Variants in NRXN3 observed in about 807,000 individuals in gnomAD.
NRXN3 encodes neurexin III.
Under a neutral mutation model 137.6 loss-of-function variants are expected in NRXN3, and 32 were observed. The observed-to-expected ratio is 0.23, with a 90% CI of 0.18 to 0.31. The LOEUF is 0.31. Ranked by LOEUF, NRXN3 falls within the 10% of genes least tolerant of loss-of-function variation. NRXN3 has a pLI of 1.00. For synonymous variants in NRXN3, 798 were observed against 784.5 expected (o/e 1.02, Z -0.29); for missense variants, 1,574 against 2,062.5 (o/e 0.76, Z 4.59).
At chr14:79,299,030 G>C (rs1236030521) in intron 15 of NRXN3, 1 of 152,274 alleles carries the variant, frequency 6.6e-6, no homozygotes, top group East Asian at 1.9e-4. Flanking sequence ...AGATCACACA[G>C]GAACTGCTAG....
At chr14:78,703,269 G>A (rs1323626254) in intron 6 of NRXN3, among the ~76,000 whole-genome samples, 3 of 152,202 alleles carry the variant, frequency 2.0e-5, no homozygotes, top group South Asian at 4.1e-4. Context: ...TGAGTGAGTG[G>A]AGTGGACAGT....
chr14:78,725,135 C>T (rs1188392500), intron 8 of NRXN3, among the ~76,000 whole-genome samples: 1 of 152,164 alleles, frequency 6.6e-6, no homozygotes, highest in African/African-American at 2.4e-5. Flanking sequence ...AGCATGTTCC[C>T]CCTCTTTGTT....
chr14:78,913,274 CTT>C (rs1157942892), intron 10 of NRXN3, among the ~76,000 whole-genome samples: 19 of 47,850 alleles, frequency 4.0e-4, no homozygotes, highest in Non-Finnish European at 5.3e-4. Context: ...TTCTTTCTTT[CTT>C]TTTTTTTTTT....
At position 79,336,952 on chromosome 14, in the gene NRXN3, T is replaced by C. The variant is rs577587038; in HGVS notation, c.3263-130269T>C. 9.2e-5 allele frequency among the ~76,000 whole-genome samples: 14 copies of C among 152,340 alleles called. No individual in the cohort carries two copies. The East Asian group carries it at 1.2e-3, about 13-fold the overall frequency. ...ACACTTTCTCTCATCTCTATAGTTA[T>C]GTTTCTTTCTTATGACCTTGGCCAC... On this transcript the variant is annotated intron_variant, in intron 15 of 20. Coordinates refer to ENST00000335750, the MANE Select transcript of NRXN3 (RefSeq NM_001330195.2).
chr14:78,962,768 C>T (rs532450929), intron 11 of NRXN3, among the ~76,000 whole-genome samples: 6 of 151,734 alleles, frequency 4.0e-5, no homozygotes, highest in Admixed American at 6.6e-5. Flanking sequence ...GGCTGGAGTG[C>T]GGTGGCATGA....
At chr14:79,811,083 T>C (rs2099230846) in intron 20 of NRXN3, among the ~76,000 whole-genome samples, 1 of 152,212 alleles carries the variant, frequency 6.6e-6, no homozygotes, top group Non-Finnish European at 1.5e-5. Context: ...AATAGAATCA[T>C]GTTAAAATTT....
chr14:78,646,184 G>A lies in NRXN3; in HGVS notation c.1059+763G>A, dbSNP rs537016159. Among the ~76,000 whole-genome samples, 3 of 152,304 alleles carry A rather than the reference G, an allele frequency of 2.0e-5. No homozygotes were observed. The East Asian group carries it at 5.8e-4, about 29-fold the overall frequency. ...TTGCCGATTCTAAGCAGGCACCTCC[G>A]TCAGGTGACAACATTCTCAGAAAGC... On this transcript the variant is annotated intron_variant, in intron 5 of 20. Coordinates refer to ENST00000335750, the MANE Select transcript of NRXN3 (RefSeq NM_001330195.2).
chr14:78,723,334 GATAA>G (rs2098468757), intron 8 of NRXN3, among the ~76,000 whole-genome samples: 1 of 152,140 alleles, frequency 6.6e-6, no homozygotes, highest in African/African-American at 2.4e-5. Flanking sequence ...GAACATATCT[GATAA>G]ATAAAAAAGG....
At chr14:79,413,042 A>C (rs1467074453) in intron 15 of NRXN3, among the ~76,000 whole-genome samples, 1 of 152,094 alleles carries the variant, frequency 6.6e-6, no homozygotes, top group Non-Finnish European at 1.5e-5. Flanking sequence ...CCTTCATATA[A>C]TGTCCCAATA....
chr14:78,931,723 A>C (rs2099322503), intron 10 of NRXN3, among the ~76,000 whole-genome samples: 1 of 152,170 alleles, frequency 6.6e-6, no homozygotes, highest in African/African-American at 2.4e-5. Flanking sequence ...ATATCCCAAA[A>C]GATCTGGGGT....
rs375921690 is a variant in NRXN3, at chr14:78,259,632, A to T, written c.709+15830A>T. 8.5e-5 allele frequency among the ~76,000 whole-genome samples: 13 copies of T among 152,268 alleles called. No homozygotes were observed. In the East Asian group the frequency reaches 9.6e-4, roughly 11 times the overall value. The stretch of plus-strand genomic sequence containing the variant: ...TAATTAATTCACTTGTGGTTTCTTT[A>T]TCTCTGCCCAGAGGTGGGATGCTTG... On this transcript the variant is annotated intron_variant, in intron 2 of 20. Coordinates refer to ENST00000335750, the MANE Select transcript of NRXN3 (RefSeq NM_001330195.2).
chr14:79,182,191 A>G (rs969051059), intron 15 of NRXN3, among the ~76,000 whole-genome samples: 3 of 151,980 alleles, frequency 2.0e-5, no homozygotes, highest in Middle Eastern at 3.4e-3. Context: ...GCAGTCCCCA[A>G]CCTTTTGGCA....
At chr14:79,109,653 C>A (rs1477095619) in intron 15 of NRXN3, among the ~76,000 whole-genome samples, 1 of 152,142 alleles carries the variant, frequency 6.6e-6, no homozygotes, top group African/African-American at 2.4e-5. Context: ...CTTTCTGTCT[C>A]TCTCTTTCAT....
intron 4 of NRXN3, among the ~76,000 whole-genome samples, chr14:78,333,887 G>A (rs541546923): frequency 7.4e-4 from 113 of 152,272 alleles, no homozygotes; most frequent in South Asian, 5.2e-3. Flanking sequence ...GGCTCCTGCC[G>A]TAATCCAGGT....
At chr14:79,366,260 C>G (rs1023199789) in intron 15 of NRXN3, among the ~76,000 whole-genome samples, 9 of 152,102 alleles carry the variant, frequency 5.9e-5, no homozygotes, top group African/African-American at 2.4e-5. Flanking sequence ...AATATCACAT[C>G]AAGATAATTG....
intron 14 of NRXN3, among the ~76,000 whole-genome samples, chr14:78,971,275 A>T (rs374677948): frequency 6.6e-6 from 1 of 152,118 alleles, no homozygotes; most frequent in Non-Finnish European, 1.5e-5. Flanking sequence ...TAGTATGAGG[A>T]CCACAGGAAA....
chr14:79,448,986 A>G (rs916140353), intron 15 of NRXN3, among the ~76,000 whole-genome samples: 5 of 152,150 alleles, frequency 3.3e-5, no homozygotes, highest in Non-Finnish European at 7.4e-5. Flanking sequence ...CAGTATATCA[A>G]AATAAGCGCT....
intron 4 of NRXN3, among the ~76,000 whole-genome samples, chr14:78,396,765 T>A (rs1303383670): frequency 6.6e-6 from 1 of 152,210 alleles, no homozygotes; most frequent in Non-Finnish European, 1.5e-5. Flanking sequence ...TTTTTGGTCT[T>A]CAGTTTTGGA....
chr14:78,897,293 G>T (rs1323838713), intron 10 of NRXN3, among the ~76,000 whole-genome samples: 4 of 151,744 alleles, frequency 2.6e-5, no homozygotes, highest in African/African-American at 9.7e-5. Context: ...ATATTTGAAT[G>T]AATGAAAAAA....
Sources: allele counts gnomAD v4.1 joint callset (sites outside exome capture counted in the v4.1 genomes callset), GRCh38; gene constraint gnomAD v4.1.1; transcripts MANE v1.5; gene names NCBI Gene and HGNC (gene_info 2026-07-23, HGNC 2026-07-21).